Variants in GALNT3 observed in about 807,000 individuals in gnomAD.
GALNT3 encodes polypeptide N-acetylgalactosaminyltransferase 3.
A neutral mutation model predicts 69.8 loss-of-function variants in GALNT3; 51 were observed. The ratio of observed to expected loss-of-function variants is 0.73; its 90% CI spans 0.58 to 0.92. The LOEUF (loss-of-function observed/expected upper bound fraction) is 0.92. Among genes scored for constraint, GALNT3 ranks in the 40% least tolerant of loss-of-function variants. The pLI is 0.00. For synonymous variants in GALNT3, 265 were observed against 248.5 expected, an observed-to-expected ratio of 1.07 and a Z score of -0.63; for missense variants, 711 against 760.0, an observed-to-expected ratio of 0.94 and a Z score of 0.76.
In GALNT3 at chr2:165,755,199, C is replaced by T. The variant is rs1688425322; in HGVS notation, c.1393-136G>A. 8 of 815,870 alleles carry T rather than the reference C, an allele frequency of 9.8e-6. No homozygotes were observed. The East Asian group carries it at 1.1e-4, about 11-fold the overall frequency. The allele number at this position is 815,870 out of a possible 1,614,324, so 50.5% of individuals were successfully genotyped here. A position where few individuals can be genotyped will look rare whatever the true frequency, so the allele number is the denominator to read the frequency against. The stretch of plus-strand genomic sequence containing the variant: ...AAAATTCAAGAGGCAATTCAACAGC[C>T]TTCATCATTCATTCAAGTAAAAACC... On this transcript the variant is annotated intron_variant, in intron 7 of 10. Coordinates refer to ENST00000392701, the MANE Select transcript of GALNT3 (RefSeq NM_004482.4).
At chr2:165,785,181 G>A (rs1445385567) in intron 1 of GALNT3, among the ~76,000 whole-genome samples, 7 of 152,028 alleles carry the variant, frequency 4.6e-5, no homozygotes, top group Non-Finnish European at 1.0e-4. Context: ...ATATCAAAGG[G>A]TTGAAACAAC....
chr2:165,767,668 C>G (rs1688667309), intron 2 of GALNT3, among the ~76,000 whole-genome samples: 1 of 152,094 alleles, frequency 6.6e-6, no homozygotes, highest in South Asian at 2.1e-4. Flanking sequence ...ATTAAAATAA[C>G]TTGCCAAAGT....
At chr2:165,786,201 C>T (rs1683216336) in intron 1 of GALNT3, among the ~76,000 whole-genome samples, 2 of 152,058 alleles carry the variant, frequency 1.3e-5, no homozygotes, top group South Asian at 2.1e-4. Context: ...CATTAAGAAA[C>T]AGCAGTATAA....
intron 1 of GALNT3, among the ~76,000 whole-genome samples, chr2:165,783,586 T>G (rs1480580143): frequency 6.6e-6 from 1 of 152,216 alleles, no homozygotes; most frequent in Non-Finnish European, 1.5e-5. Flanking sequence ...TAACAAATTT[T>G]TTTTTGCTTT....
At chr2:165,756,657 T>C (rs1688447906) in intron 7 of GALNT3, among the ~76,000 whole-genome samples, 1 of 149,716 alleles carries the variant, frequency 6.7e-6, no homozygotes, top group Non-Finnish European at 1.5e-5. Context: ...GGCTTGGCAC[T>C]CCTGGTTTAT....
At chr2:165,774,364 C>T in intron 1 of GALNT3, among the ~76,000 whole-genome samples, 1 of 152,090 alleles carries the variant, frequency 6.6e-6, no homozygotes, top group African/African-American at 2.4e-5. Flanking sequence ...AGAGAAAGCA[C>T]AGAATAGGAA....
intron 1 of GALNT3, among the ~76,000 whole-genome samples, chr2:165,780,095 C>G (rs887703594): frequency 6.6e-6 from 1 of 152,168 alleles, no homozygotes; most frequent in African/African-American, 2.4e-5. Context: ...CTATCCCAGT[C>G]AACTTTACAA....
chr2:165,788,202 G>T (rs980085664), intron 1 of GALNT3, among the ~76,000 whole-genome samples: 1 of 151,390 alleles, frequency 6.6e-6, no homozygotes, highest in South Asian at 2.1e-4. Flanking sequence ...CTGTAGTCCC[G>T]GCTACTTGGG....
At chr2:165,753,845 A>G (rs1688396328) in intron 9 of GALNT3, among the ~76,000 whole-genome samples, 1 of 152,208 alleles carries the variant, frequency 6.6e-6, no homozygotes, top group African/African-American at 2.4e-5. Flanking sequence ...GAGAAGGAGG[A>G]ACATATTGAA....
chr2:165,788,881 T>C (rs1229171410), intron 1 of GALNT3, among the ~76,000 whole-genome samples: 5 of 151,888 alleles, frequency 3.3e-5, no homozygotes, highest in Admixed American at 1.3e-4. Context: ...CAACAGAAAA[T>C]TGTTGAAGGA....
chr2:165,770,300 C>G lies in GALNT3; in HGVS notation c.401G>C (p.Ser134Thr). The change falls in exon 2 of 11, where the codon AGT becomes ACT. Residue 134 changes from serine (S) to threonine (T), a missense_variant. Transcript: ENST00000392701. ...TTCCTTTTCCTTTTGCTCTTCAACACTTAAATTGGTTGTCTTGAATGCTTT... is the reference window on the plus strand; with the variant it reads ...TTCCTTTTCCTTTTGCTCTTCAACAGTTAAATTGGTTGTCTTGAATGCTTT... ...SGKAFKTTNLSVEEQKEKERG... is the reference protein window; with the variant it reads ...SGKAFKTTNLTVEEQKEKERG... The G allele has an allele frequency of 6.2e-7, 1 of 1,614,150 alleles. No homozygotes were observed. The highest frequency in any genetic ancestry group is 8.5e-7 in the Non-Finnish European group (1 of 1,180,028).
At chr2:165,764,209 T>C (rs1688599126) in intron 3 of GALNT3, among the ~76,000 whole-genome samples, 2 of 152,172 alleles carry the variant, frequency 1.3e-5, no homozygotes, top group South Asian at 4.1e-4. Context: ...TTGACTAACA[T>C]TGTAAGTAAT....
chr2:165,762,535 C>T (rs774256019), intron 3 of GALNT3, among the ~76,000 whole-genome samples: 1 of 152,156 alleles, frequency 6.6e-6, no homozygotes, highest in African/African-American at 2.4e-5. Context: ...TAATTTAACA[C>T]CAAAATGTTG....
intron 1 of GALNT3, among the ~76,000 whole-genome samples, chr2:165,774,058 C>T (rs933129585): frequency 1.3e-5 from 2 of 152,156 alleles, no homozygotes; most frequent in African/African-American, 4.8e-5. Context: ...AGGGCAGCAA[C>T]CTCACCTATG....
intron 1 of GALNT3, among the ~76,000 whole-genome samples, chr2:165,788,805 T>A (rs1683284576): frequency 6.6e-6 from 1 of 151,982 alleles, no homozygotes; most frequent in Non-Finnish European, 1.5e-5. Flanking sequence ...GGAGTATCAC[T>A]CCAGAGTTAA....
At chr2:165,783,423 G>A (rs746665175) in intron 1 of GALNT3, among the ~76,000 whole-genome samples, 17 of 152,106 alleles carry the variant, frequency 1.1e-4, no homozygotes, top group Non-Finnish European at 2.1e-4. Context: ...AGGGGGTGAA[G>A]GAATAAAGAA....
Position 165,759,558 on chromosome 2 carries a change from T to C in GALNT3, c.851A>G (p.Tyr284Cys), listed in dbSNP as rs539221514. 4.2e-5 allele frequency: 67 copies of C among 1,613,134 alleles called. No individual in the cohort carries two copies. Among genetic ancestry groups the C allele is most frequent in the Non-Finnish European group, 5.6e-5 (66 of 1,179,486 alleles). ...GGCCAACAGAGGTTCTAGCCAACCA[T>C]AGAAACACTCACCTGGAGGGAACAG... ...TFLDAHCECF[Y>C]GWLEPLLARI... is the part of the protein sequence containing the mutation. The change falls in exon 5 of 11, where the codon TAT (tyrosine) becomes TGT (cysteine). Residue 284 changes from tyrosine to cysteine, a missense_variant. Physicochemically the swap from Tyr to Cys is radical, Grantham distance 194 (BLOSUM62 -2). Transcript: ENST00000392701.
At chr2:165,793,499 C>T (rs1250300588) in intron 1 of GALNT3, among the ~76,000 whole-genome samples, 1 of 152,228 alleles carries the variant, frequency 6.6e-6, no homozygotes, top group East Asian at 1.9e-4. Context: ...TTAAATGGCT[C>T]GGCGGCCGCG....
chr2:165,758,253 A>T (rs1426818057), intron 6 of GALNT3, among the ~76,000 whole-genome samples: 2 of 152,222 alleles, frequency 1.3e-5, no homozygotes, highest in Non-Finnish European at 2.9e-5. Context: ...AAGTTACTGC[A>T]GAAAATGAAA....
Sources: gnomAD v4.1 joint callset for allele counts (sites outside exome capture counted in the v4.1 genomes callset) on GRCh38, gnomAD v4.1.1 for gene constraint, MANE v1.5 for transcripts, NCBI Gene and HGNC (gene_info 2026-07-23, HGNC 2026-07-21) for gene names.